ELMO1: variants seen among roughly 807,000 people sequenced by gnomAD.
ELMO1 encodes the protein engulfment and cell motility protein 1.
A neutral mutation model predicts 98.9 loss-of-function variants in ELMO1; 26 were observed. The observed-to-expected ratio is 0.26, with a 90% CI of 0.19 to 0.36. The LOEUF (loss-of-function observed/expected upper bound fraction) is 0.36, where lower values mean the gene tolerates loss of function less well. Among genes scored for constraint, ELMO1 ranks in the 10% least tolerant of loss-of-function variants. ELMO1 has a pLI of 1.00. For missense variants in ELMO1, 627 were observed against 935.2 expected (o/e 0.67, Z 4.30); for synonymous variants, 346 against 346.0 (o/e 1.00, Z 0.00).
At chr7:37,412,485 T>C (rs185952972) in intron 1 of ELMO1, among the ~76,000 whole-genome samples, 1 of 152,362 alleles carries the variant, frequency 6.6e-6, no homozygotes, top group African/African-American at 2.4e-5. Flanking sequence ...TATACCATAG[T>C]TTACCAATCA....
intron 1 of ELMO1, among the ~76,000 whole-genome samples, chr7:37,431,892 G>GT (rs1804946909): frequency 6.6e-6 from 1 of 151,958 alleles, no homozygotes; most frequent in Non-Finnish European, 1.5e-5. Context: ...TTGTTTGTTT[G>GT]TTTTTTGACA....
chr7:37,249,637 G>A (rs971200574), intron 6 of ELMO1, among the ~76,000 whole-genome samples: 11 of 152,160 alleles, frequency 7.2e-5, no homozygotes, highest in Admixed American at 3.9e-4. Flanking sequence ...GAATGGTAAA[G>A]TATAAATTAG....
intron 13 of ELMO1, among the ~76,000 whole-genome samples, chr7:37,180,798 GCACACACATATGCGCA>G (rs919216387): frequency 1.7e-5 from 2 of 117,798 alleles, no homozygotes; most frequent in African/African-American, 7.0e-5. Context: ...ATGCACATAT[GCACACACATATGCGCA>G]CACACACACA....
chr7:36,860,091 C>T (rs184623366), intron 21 of ELMO1, among the ~76,000 whole-genome samples: 24 of 152,176 alleles, frequency 1.6e-4, no homozygotes, highest in African/African-American at 5.8e-4. Context: ...CCTAGCTTAC[C>T]TTATTGGAAG....
chr7:37,289,464 G>A (rs1797565313), intron 4 of ELMO1, among the ~76,000 whole-genome samples: 1 of 152,192 alleles, frequency 6.6e-6, no homozygotes, highest in South Asian at 2.1e-4. Flanking sequence ...GTCATCAGCT[G>A]TTCACTAACG....
At chr7:37,030,241 TTCC>T (rs1442272437) in intron 15 of ELMO1, among the ~76,000 whole-genome samples, 2 of 152,206 alleles carry the variant, frequency 1.3e-5, no homozygotes, top group African/African-American at 4.8e-5. Context: ...TGTTCAGAAC[TTCC>T]TCCTATGTGA....
chr7:37,096,598 G>A (rs1205037703), intron 15 of ELMO1, 21 bp downstream of exon 15: 1 of 1,608,752 alleles, frequency 6.2e-7, no homozygotes, highest in East Asian at 2.2e-5. Flanking sequence ...TCACACCCAT[G>A]TGGGAAATAA....
chr7:37,432,445 T>C (rs1000896975), intron 1 of ELMO1, among the ~76,000 whole-genome samples: 5 of 152,294 alleles, frequency 3.3e-5, no homozygotes, highest in East Asian at 1.9e-4. Flanking sequence ...AACACTTAAG[T>C]TGGGGTTTTA....
intron 13 of ELMO1, among the ~76,000 whole-genome samples, chr7:37,146,472 A>G (rs906498941): frequency 6.6e-6 from 1 of 152,004 alleles, no homozygotes; most frequent in Non-Finnish European, 1.5e-5. Flanking sequence ...TTGGGCAGTG[A>G]CTCTTAGTGA....
chr7:37,010,992 G>A (rs1793509518), intron 16 of ELMO1, among the ~76,000 whole-genome samples: 1 of 152,212 alleles, frequency 6.6e-6, no homozygotes, highest in African/African-American at 2.4e-5. Context: ...ATGTGAGGCA[G>A]GAACCTCTGG....
chr7:37,433,188 G>A (rs985215063), intron 1 of ELMO1, among the ~76,000 whole-genome samples: 5 of 152,144 alleles, frequency 3.3e-5, no homozygotes, highest in East Asian at 3.9e-4. Flanking sequence ...ACTCAAAGAC[G>A]AAGGAACCAT....
chr7:36,992,894 C>T (rs927402127), intron 16 of ELMO1, among the ~76,000 whole-genome samples: 1 of 152,180 alleles, frequency 6.6e-6, no homozygotes, highest in African/African-American at 2.4e-5. Context: ...TCTTCTCACA[C>T]ATTCACAGGT....
chr7:37,091,466 C>G (rs1784088243), intron 15 of ELMO1, among the ~76,000 whole-genome samples: 1 of 152,050 alleles, frequency 6.6e-6, no homozygotes, highest in South Asian at 2.1e-4. Context: ...AAATAGCTAC[C>G]ATTTCTTTTT....
intron 16 of ELMO1, among the ~76,000 whole-genome samples, chr7:36,957,980 CT>C (rs898633279): frequency 1.3e-5 from 2 of 152,194 alleles, no homozygotes; most frequent in African/African-American, 4.8e-5. Flanking sequence ...CTTTCTTTAA[CT>C]TACTACTGTC....
chr7:36,910,791 A>T (rs1312394105), intron 16 of ELMO1, among the ~76,000 whole-genome samples: 2 of 152,168 alleles, frequency 1.3e-5, no homozygotes, highest in Non-Finnish European at 2.9e-5. Flanking sequence ...AGACGAATGA[A>T]GCTATACAGT....
chr7:37,060,580 C>G (rs773048388), intron 15 of ELMO1, among the ~76,000 whole-genome samples: 2 of 152,050 alleles, frequency 1.3e-5, no homozygotes, highest in Non-Finnish European at 2.9e-5. Context: ...ACTGGTACAC[C>G]AAGTCCCAGT....
intron 13 of ELMO1, among the ~76,000 whole-genome samples, chr7:37,141,358 G>A (rs1787628588): frequency 6.6e-6 from 1 of 152,106 alleles, no homozygotes; most frequent in South Asian, 2.1e-4. Context: ...GGACTTTGGG[G>A]ACTTAGGGGA....
At chr7:36,894,599 C>T (rs1165316228) in intron 17 of ELMO1, among the ~76,000 whole-genome samples, 1 of 152,142 alleles carries the variant, frequency 6.6e-6, no homozygotes, top group East Asian at 1.9e-4. Flanking sequence ...TCTACAAATC[C>T]CTGGAGGACT....
chr7:37,224,247 A>G (rs1198432528), intron 9 of ELMO1, among the ~76,000 whole-genome samples: 1 of 152,216 alleles, frequency 6.6e-6, no homozygotes, highest in Non-Finnish European at 1.5e-5. Context: ...TCAGGTTGGT[A>G]TTGTCAGAGA....
Sources: allele counts gnomAD v4.1 joint callset (sites outside exome capture counted in the v4.1 genomes callset), GRCh38; gene constraint gnomAD v4.1.1; transcripts MANE v1.5; gene names NCBI Gene and HGNC (gene_info 2026-07-23, HGNC 2026-07-21).